The following CEP44 variants were observed in gnomAD, a reference collection of about 807,000 sequenced individuals.
CEP44 encodes centrosomal protein of 44 kDa.
In CEP44, 45 loss-of-function variants were observed where a neutral mutation model predicts 46.7. That is an observed-to-expected ratio of 0.96 (90% confidence interval 0.76 to 1.24). The LOEUF is 1.24. CEP44 is among the 50% of genes most tolerant of loss of function. The pLI is 0.00. For missense variants in CEP44, 475 were observed against 459.7 expected (o/e 1.03, Z -0.30); for synonymous variants, 142 against 146.0 (o/e 0.97, Z 0.20).
chr4:174,321,241 A>G (rs987587281), downstream of CEP44, among the ~76,000 whole-genome samples: 2 of 152,168 alleles, frequency 1.3e-5, no homozygotes, highest in Non-Finnish European at 2.9e-5. Context: ...TTTTATTATC[A>G]TAACTAACAT....
chr4:174,313,299 C>A (rs1741299157), intron 9 of CEP44, among the ~76,000 whole-genome samples: 1 of 151,574 alleles, frequency 6.6e-6, no homozygotes. Context: ...GTGTTAATTG[C>A]CAGACAGGGC....
chr4:174,316,087 T>C (rs1741674024), intron 9 of CEP44, 79 bp from the exon 10 acceptor site: 4 of 1,516,370 alleles, frequency 2.6e-6, no homozygotes, highest in Middle Eastern at 3.5e-4. Flanking sequence ...ATGTTTTTCT[T>C]CCATCTGTAA....
At chr4:174,285,727 G>A (rs545723950) in intron 1 of CEP44, among the ~76,000 whole-genome samples, 6 of 152,176 alleles carry the variant, frequency 3.9e-5, no homozygotes, top group Non-Finnish European at 7.3e-5. Flanking sequence ...ATTGTGTTAC[G>A]ATAGATGGGT....
At chr4:174,322,243 A>G (rs2126690863), downstream of CEP44, among the ~76,000 whole-genome samples, 1 of 152,216 alleles carries the variant, frequency 6.6e-6, no homozygotes, top group South Asian at 2.1e-4. Flanking sequence ...TAAAATCATC[A>G]TTCTCTTCCA....
rs1741127455 is a variant in CEP44, at chr4:174,311,952, A to G, written c.961+1094A>G. ...ATAGGCTGCAGATTTCAGATTTGGT[A>G]AAATGTTGCCTGTTTTATTTATCCA... On this transcript the variant is annotated intron_variant, in intron 9 of 11. Transcript: ENST00000503780. The surrounding 1 kb of genome is among the most constrained non-coding windows in gnomAD (Gnocchi z 4.4). 6.6e-6 allele frequency among the ~76,000 whole-genome samples: 1 copy of G among 152,206 alleles called. No individual in the cohort carries two copies. The highest frequency in any genetic ancestry group is 1.5e-5 in the Non-Finnish European group (1 of 68,034).
rs1742068483 is a variant in CEP44 at position 174,319,230 on chromosome 4, A to C, written c.*1847A>C. On this transcript the variant is annotated 3_prime_UTR_variant, in exon 12 of 12. Transcript: ENST00000503780. ...ATTTCCAGAATTAATGAAGCATGTT[A>C]GCTTTAATTTTTTCAATTGTGAGAG... 1.0e-6 allele frequency: 1 copy of C among 970,130 alleles called. No individual in the cohort carries two copies. The highest frequency in any genetic ancestry group is 6.2e-5 in the Admixed American group (1 of 16,246). The allele number at this position is 970,130 out of a possible 1,614,324, so 60.1% of individuals were successfully genotyped here. A position where few individuals can be genotyped will look rare whatever the true frequency, so the allele number is the denominator to read the frequency against.
At chr4:174,316,402 C>T in intron 10 of CEP44, 112 bp downstream of exon 10, 2 of 1,391,438 alleles carry the variant, frequency 1.4e-6, no homozygotes, top group Non-Finnish European at 2.0e-6. Context: ...CTTAGTCTCT[C>T]AAAATTCTTT....
In CEP44 at chr4:174,316,562, A is replaced by G; in HGVS notation, c.1119A>G (p.Lys373=). ...CAATCCAGAAAATGGAAAGGATGAA[A>G]AAAATGTAAGTAACAGAAAGGGGCA... is the stretch of plus-strand genomic sequence containing the variant. ...ETTIQKMERM[K]KMFEETAELL... Residue 373 remains lysine (K), a synonymous_variant, in exon 11 of 12, where the codon AAA becomes AAG. Coordinates refer to ENST00000503780, the MANE Select transcript of CEP44 (RefSeq NM_001040157.3). The G allele has an allele frequency of 6.3e-7, 1 of 1,590,958 alleles. No homozygotes were observed. The highest frequency in any genetic ancestry group is 1.1e-5 in the South Asian group (1 of 87,644).
In CEP44 at chr4:174,317,968, C is replaced by A. The variant is rs552132918; in HGVS notation, c.*585C>A. ...TTCTCCTTTTGTACTGGGAAACAGG[C>A]TGGAGGACTATGGTCCTCAAGTTTA... is the stretch of plus-strand genomic sequence containing the variant. On this transcript the variant is annotated 3_prime_UTR_variant, in exon 12 of 12. Coordinates refer to ENST00000503780, the MANE Select transcript of CEP44 (RefSeq NM_001040157.3). 2.7e-5 allele frequency: 27 copies of A among 985,262 alleles called. No homozygotes were observed. Among genetic ancestry groups the A allele is most frequent in the Non-Finnish European group, 3.3e-5 (27 of 829,794 alleles). The allele number at this position is 985,262 out of a possible 1,614,324, so 61.0% of individuals were successfully genotyped here. A position where few individuals can be genotyped will look rare whatever the true frequency, so the allele number is the denominator to read the frequency against.
rs965593372 is a variant in CEP44, at chr4:174,329,541, G to A, written c.1087-1941G>A. 6.6e-6 allele frequency among the ~76,000 whole-genome samples: 1 copy of A among 152,076 alleles called. No individual in the cohort carries two copies. The highest frequency in any genetic ancestry group is 2.4e-5 in the African/African-American group (1 of 41,408). ...ATGTTGAAATATATTTGGTATTTTA[G>A]CATTATCTTGCTTCCAGGATAATGT... On this transcript the variant is annotated intron_variant, in intron 8 of 8. Transcript: ENST00000426172. The surrounding 1 kb of genome is among the most constrained non-coding windows in gnomAD (Gnocchi z 4.0).
chr4:174,293,396 G>A (rs975773049), intron 1 of CEP44, among the ~76,000 whole-genome samples: 1 of 152,108 alleles, frequency 6.6e-6, no homozygotes, highest in Non-Finnish European at 1.5e-5. Context: ...ATACATAGAT[G>A]GTTGCTAAAT....
chr4:174,321,737 A>G (rs1287232152), downstream of CEP44, among the ~76,000 whole-genome samples: 1 of 152,148 alleles, frequency 6.6e-6, no homozygotes, highest in Non-Finnish European at 1.5e-5. Flanking sequence ...ATTCAGTATT[A>G]TATGGTCTTA....
intron 1 of CEP44, among the ~76,000 whole-genome samples, chr4:174,284,739 A>C (rs901452117): frequency 6.6e-6 from 1 of 152,126 alleles, no homozygotes; most frequent in African/African-American, 2.4e-5. Context: ...TGCCTTTCTC[A>C]GACCTTTCTC....
chr4:174,326,206 A>G lies in CEP44; in HGVS notation c.1087-5276A>G, dbSNP rs1166999280. The stretch of plus-strand genomic sequence containing the variant: ...TTTTTATTTTTTTCTTGGCTTATGA[A>G]GTATCCTGTGTGTGTATGTGTGTGT... On this transcript the variant is annotated intron_variant, in intron 8 of 8. Coordinates refer to the CEP44 transcript ENST00000426172. This position sits in a 1 kb window ranked among gnomAD's most constrained non-coding sequence, Gnocchi z 4.8. Among the ~76,000 whole-genome samples, 2 of 150,276 alleles carry G rather than the reference A, an allele frequency of 1.3e-5. No homozygotes were observed. The highest frequency in any genetic ancestry group is 3.0e-5 in the Non-Finnish European group (2 of 67,390).
intron 1 of CEP44, among the ~76,000 whole-genome samples, chr4:174,294,421 GAA>G (rs1169130210): frequency 4.0e-5 from 6 of 151,682 alleles, no homozygotes; most frequent in Non-Finnish European, 7.4e-5. Flanking sequence ...AGAACAAAAT[GAA>G]AAGTCTCCCG....
chr4:174,331,545 A>T lies in CEP44; in HGVS notation c.1150A>T (p.Thr384Ser). Residue 384 changes from threonine to serine, a missense_variant, in exon 9 of 9, where the codon ACT becomes TCT. Coordinates refer to the CEP44 transcript ENST00000426172. The surrounding 1 kb of genome is among the most constrained non-coding windows in gnomAD (Gnocchi z 4.5). The stretch of plus-strand genomic sequence containing the variant: ...TCTCAGCTGGCTGCTCCGTGGGCAT[A>T]CTTCATACCTTTCATCACAGAGCTT... The T allele has an allele frequency of 6.4e-7, 1 of 1,551,536 alleles. No homozygotes were observed. Among genetic ancestry groups the T allele is most frequent in the Non-Finnish European group, 8.7e-7 (1 of 1,146,918 alleles).
chr4:174,327,223 G>A (rs1390712298), intron 8 of CEP44, among the ~76,000 whole-genome samples: 10 of 148,932 alleles, frequency 6.7e-5, no homozygotes, highest in Admixed American at 6.0e-4. Context: ...CAGATAAATG[G>A]TATCAAAAAA....
At position 174,297,749 on chromosome 4, in the gene CEP44, TA is replaced by T. The variant is rs961110812; in HGVS notation, c.-147-216del. On this transcript the variant is annotated intron_variant, in intron 1 of 11. Transcript: ENST00000503780. This position sits in a 1 kb window ranked among gnomAD's most constrained non-coding sequence, Gnocchi z 4.3. The stretch of plus-strand genomic sequence containing the variant: ...CTGTATTGTTCGCCTTGCCTGATGT[TA>T]CCAAATTTAGTGCCTCCTTGATTCA... Among the ~76,000 whole-genome samples the T allele has an allele frequency of 6.6e-6, 1 of 152,088 alleles. No individual in the cohort carries two copies. The highest frequency in any genetic ancestry group is 2.4e-5 in the African/African-American group (1 of 41,418).
At chr4:174,296,763 A>ATTTTTTTTTTTT (rs202212472) in intron 1 of CEP44, among the ~76,000 whole-genome samples, 2 of 90,406 alleles carry the variant, frequency 2.2e-5, no homozygotes, top group Non-Finnish European at 4.1e-5. Context: ...GTCCTTACTG[A>ATTTTTTTTTTTT]TTTTTTTTTT....
Sources: allele counts gnomAD v4.1 joint callset (sites outside exome capture counted in the v4.1 genomes callset), GRCh38; gene constraint gnomAD v4.1.1; non-coding constraint Gnocchi (gnomAD v3.1); transcripts MANE v1.5; gene names NCBI Gene and HGNC (gene_info 2026-07-23, HGNC 2026-07-21).